The following COL25A1 variants were observed in gnomAD, a reference collection of about 807,000 sequenced individuals.
COL25A1 encodes the protein collagen alpha-1(XXV) chain.
In COL25A1, 103 loss-of-function variants were observed where a neutral mutation model predicts 128.4. The ratio of observed to expected loss-of-function variants is 0.80; its 90% CI spans 0.68 to 0.94. The LOEUF (loss-of-function observed/expected upper bound fraction) is 0.94. Among genes scored for constraint, COL25A1 ranks in the 40% least tolerant of loss-of-function variants. The probability of loss-of-function intolerance (pLI) is 0.00; values close to 1 mark genes in which losing one functional copy is unlikely to be tolerated. For missense variants in COL25A1, 745 were observed against 840.0 expected, an observed-to-expected ratio of 0.89 and a Z score of 1.40; for synonymous variants, 279 against 277.2, an observed-to-expected ratio of 1.01 and a Z score of -0.06.
chr4:108,886,467 T>TTTTTTTTTTTTTTTTTTTTTA (rs1740793136), intron 18 of COL25A1, among the ~76,000 whole-genome samples: 1 of 120,744 alleles, frequency 8.3e-6, no homozygotes, highest in African/African-American at 2.8e-5. Context: ...TGTGTGTGTG[T>TTTTTTTTTTTTTTTTTTTTTA]GTGTGTGTGT....
At chr4:108,858,335 G>A (rs1423911610) in intron 24 of COL25A1, among the ~76,000 whole-genome samples, 1 of 152,142 alleles carries the variant, frequency 6.6e-6, no homozygotes, top group African/African-American at 2.4e-5. Flanking sequence ...AGCTGTTGCT[G>A]TATTAGGCAT....
At chr4:109,069,968 ATT>A (rs201884527) in intron 3 of COL25A1, among the ~76,000 whole-genome samples, 31 of 127,246 alleles carry the variant, frequency 2.4e-4, no homozygotes, top group Non-Finnish European at 3.4e-4. Context: ...AAGAGCAATA[ATT>A]TTTTTTTTTT....
At chr4:109,261,540 A>G (rs1781443313) in intron 3 of COL25A1, among the ~76,000 whole-genome samples, 1 of 152,052 alleles carries the variant, frequency 6.6e-6, no homozygotes, top group Admixed American at 6.6e-5. Flanking sequence ...AAATAAATAA[A>G]TGCAAAGAAA....
At chr4:109,092,837 C>T (rs1765036841) in intron 3 of COL25A1, among the ~76,000 whole-genome samples, 1 of 152,076 alleles carries the variant, frequency 6.6e-6, no homozygotes, top group South Asian at 2.1e-4. Context: ...ATGAGAAGAT[C>T]CAGCTTGAGT....
intron 11 of COL25A1, among the ~76,000 whole-genome samples, chr4:108,926,629 G>C: frequency 6.6e-6 from 1 of 151,920 alleles, no homozygotes; most frequent in Admixed American, 6.6e-5. Flanking sequence ...ACAATTTTTT[G>C]AAAGATATTA....
chr4:108,875,414 C>T (rs1272222934), intron 19 of COL25A1, among the ~76,000 whole-genome samples: 1 of 152,156 alleles, frequency 6.6e-6, no homozygotes, highest in Non-Finnish European at 1.5e-5. Flanking sequence ...CATGAACAGA[C>T]ACTTCTCAAA....
At chr4:108,963,113 C>G (rs10009816) in intron 8 of COL25A1, among the ~76,000 whole-genome samples, 1 of 152,184 alleles carries the variant, frequency 6.6e-6, no homozygotes. Context: ...TGAACATCAT[C>G]TGTCAATGCA....
intron 32 of COL25A1, among the ~76,000 whole-genome samples, chr4:108,829,477 C>T (rs1732827931): frequency 6.6e-6 from 1 of 151,866 alleles, no homozygotes; most frequent in Non-Finnish European, 1.5e-5. Flanking sequence ...CACACACGCA[C>T]GTGTAGTGGG....
rs73838569 is a variant in COL25A1, at chr4:109,297,908, G to T, written c.367+2675C>A. Among the ~76,000 whole-genome samples, 584 of 97,914 alleles carry T rather than the reference G, an allele frequency of 6.0e-3. 6 individuals carry two copies. Among genetic ancestry groups the T allele is most frequent in the African/African-American group, 0.022 (549 of 25,028 alleles). The allele number at this position is 97,914 out of a possible 152,430, so 64.2% of individuals were successfully genotyped here. A position where few individuals can be genotyped will look rare whatever the true frequency, so the allele number is the denominator to read the frequency against. On this transcript the variant is annotated intron_variant, in intron 3 of 37. Coordinates refer to ENST00000399132, the MANE Select transcript of COL25A1 (RefSeq NM_198721.4). ...TTTTTTTTTGCCGATGAGGAAATTA[G>T]AACATAGGGAAGTTCATTAGTTTGA...
chr4:108,932,712 G>C (rs1300970032), intron 11 of COL25A1, among the ~76,000 whole-genome samples: 2 of 152,098 alleles, frequency 1.3e-5, no homozygotes, highest in Non-Finnish European at 2.9e-5. Context: ...TATCTTTCAT[G>C]CTTTTGAAAA....
intron 3 of COL25A1, among the ~76,000 whole-genome samples, chr4:109,086,243 C>A (rs1484184221): frequency 6.6e-6 from 1 of 152,164 alleles, no homozygotes; most frequent in East Asian, 1.9e-4. Context: ...ATGAATAATG[C>A]ACAATTAACA....
At chr4:109,145,009 A>C (rs1770787247) in intron 3 of COL25A1, among the ~76,000 whole-genome samples, 2 of 152,020 alleles carry the variant, frequency 1.3e-5, no homozygotes, top group South Asian at 4.1e-4. Flanking sequence ...CTCCTATAAA[A>C]TCCAGTGACT....
chr4:109,035,176 T>C (rs1437702270), intron 5 of COL25A1, among the ~76,000 whole-genome samples: 2 of 152,206 alleles, frequency 1.3e-5, no homozygotes, highest in Non-Finnish European at 2.9e-5. Context: ...CCATAGCTAC[T>C]GTCAGCCAAC....
intron 19 of COL25A1, among the ~76,000 whole-genome samples, chr4:108,870,542 T>C (rs1738585578): frequency 6.6e-6 from 1 of 152,118 alleles, no homozygotes; most frequent in Admixed American, 6.5e-5. Flanking sequence ...CCCATACCCT[T>C]ACGACTATTA....
chr4:109,166,862 G>A (rs1457797250), intron 3 of COL25A1, among the ~76,000 whole-genome samples: 3 of 152,148 alleles, frequency 2.0e-5, no homozygotes, highest in Non-Finnish European at 4.4e-5. Context: ...TAATTGCTGA[G>A]TGATAGACAT....
At chr4:108,876,716 C>A (rs2125823584) in intron 19 of COL25A1, among the ~76,000 whole-genome samples, 1 of 152,324 alleles carries the variant, frequency 6.6e-6, no homozygotes, top group African/African-American at 2.4e-5. Context: ...AGGTTGTCCA[C>A]AATACAGATA....
intron 3 of COL25A1, among the ~76,000 whole-genome samples, chr4:109,289,511 G>C (rs1258911515): frequency 1.3e-5 from 2 of 152,036 alleles, no homozygotes; most frequent in Non-Finnish European, 2.9e-5. Flanking sequence ...ATTGATATTT[G>C]CCATTGATGT....
At chr4:109,172,612 A>G (rs1301589828) in intron 3 of COL25A1, among the ~76,000 whole-genome samples, 1 of 152,106 alleles carries the variant, frequency 6.6e-6, no homozygotes, top group African/African-American at 2.4e-5. Context: ...AACCATTTCA[A>G]TTCTGTAATG....
At chr4:108,940,428 A>T in intron 10 of COL25A1, 111 bp downstream of exon 10, 1 of 852,952 alleles carries the variant, frequency 1.2e-6, no homozygotes, top group Non-Finnish European at 2.0e-6. Context: ...AACCCACTCC[A>T]CTCACTTGAC....
Sources: allele counts gnomAD v4.1 joint callset (sites outside exome capture counted in the v4.1 genomes callset), GRCh38; gene constraint gnomAD v4.1.1; transcripts MANE v1.5; gene names NCBI Gene and HGNC (gene_info 2026-07-23, HGNC 2026-07-21).